ACSF2: variants seen among roughly 807,000 people sequenced by gnomAD.
ACSF2 encodes the protein medium-chain acyl-CoA ligase ACSF2, mitochondrial.
In ACSF2, 52 loss-of-function variants were observed where a neutral mutation model predicts 79.3. The observed-to-expected ratio is 0.66, with a 90% CI of 0.53 to 0.83. ACSF2 has a LOEUF of 0.83. Ranked by LOEUF, ACSF2 falls within the 40% of genes least tolerant of loss-of-function variation. ACSF2 has a pLI of 0.00. For synonymous variants in ACSF2, 283 were observed against 312.6 expected, an observed-to-expected ratio of 0.91 and a Z score of 1.00; for missense variants, 661 against 803.3, an observed-to-expected ratio of 0.82 and a Z score of 2.14.
intron 1 of ACSF2, among the ~76,000 whole-genome samples, chr17:50,431,520 A>T (rs2029923442): frequency 6.6e-6 from 1 of 152,170 alleles, no homozygotes; most frequent in Admixed American, 6.5e-5. Context: ...ACTTCCGTGA[A>T]ATCTCACTTG....
chr17:50,461,351 C>T lies in ACSF2; in HGVS notation c.434C>T (p.Ala145Val), dbSNP rs150150582. 8.4e-5 allele frequency: 135 copies of T among 1,613,946 alleles called. No homozygotes were observed. Among genetic ancestry groups the T allele is most frequent in the Non-Finnish European group, 1.1e-4 (134 of 1,180,000 alleles). The change falls in exon 3 of 16, where the codon GCC (alanine) becomes GTC (valine). Residue 145 changes from alanine (A) to valine (V), a missense_variant. Transcript: ENST00000300441. ...YAWVLMQLAT[A>V]QAGIILVSVN... ...TGGGTGCTCATGCAGTTGGCCACCG[C>T]CCAGGCGGGCATCATTCTGGTGAGG... is the stretch of plus-strand genomic sequence containing the variant.
intron 1 of ACSF2, among the ~76,000 whole-genome samples, chr17:50,447,413 G>A (rs2031371898): frequency 6.6e-6 from 1 of 151,878 alleles, no homozygotes; most frequent in South Asian, 2.1e-4. Flanking sequence ...GGTGGTGCGC[G>A]CTTAGAGTCC....
At chr17:50,443,971 C>G (rs1323346224) in intron 1 of ACSF2, among the ~76,000 whole-genome samples, 1 of 152,154 alleles carries the variant, frequency 6.6e-6, no homozygotes, top group Non-Finnish European at 1.5e-5. Context: ...AGGATTAACT[C>G]TTATTTAGCT....
intron 10 of ACSF2, chr17:50,467,907 G>A (rs1192212269): frequency 4.7e-6 from 4 of 856,850 alleles, no homozygotes; most frequent in Non-Finnish European, 7.1e-6. Context: ...AGGTGGCAGA[G>A]CTGCTCACCT....
chr17:50,446,529 A>G (rs2031312395), intron 1 of ACSF2, among the ~76,000 whole-genome samples: 1 of 152,062 alleles, frequency 6.6e-6, no homozygotes. Context: ...AAGCCACCAC[A>G]CCCAGCCAGA....
intron 1 of ACSF2, among the ~76,000 whole-genome samples, chr17:50,441,733 A>G (rs1469003821): frequency 6.6e-6 from 1 of 152,242 alleles, no homozygotes; most frequent in East Asian, 1.9e-4. Flanking sequence ...GGACACAGCA[A>G]TAAACATCAG....
In ACSF2 at chr17:50,474,246, C is replaced by T. The variant is rs1368968907; in HGVS notation, c.1776C>T (p.Tyr592=). ...AGTACATCGTGTTTGTCACAAACTA[C>T]CCCCTCACCATTTCAGGAAAGGTGT... ...IPKYIVFVTN[Y]PLTISGKIQK... is the part of the protein sequence containing the mutation. The change falls in exon 15 of 16, where the codon TAC becomes TAT. Residue 592 remains tyrosine, a synonymous_variant. Transcript: ENST00000300441. This position sits in a 1 kb window ranked among gnomAD's most constrained non-coding sequence, Gnocchi z 4.2. The T allele has an allele frequency of 6.2e-7, 1 of 1,614,122 alleles. No homozygotes were observed. Among genetic ancestry groups the T allele is most frequent in the South Asian group, 1.1e-5 (1 of 91,092 alleles).
chr17:50,451,450 T>C (rs921067527), intron 1 of ACSF2, among the ~76,000 whole-genome samples: 1 of 152,210 alleles, frequency 6.6e-6, no homozygotes, highest in African/African-American at 2.4e-5. Flanking sequence ...TTTTGTTTTT[T>C]TATTTTTTAT....
chr17:50,464,775 G>T lies in ACSF2; in HGVS notation c.1215+481G>T, dbSNP rs559060672. On this transcript the variant is annotated intron_variant, in intron 10 of 15. Coordinates refer to ENST00000300441, the MANE Select transcript of ACSF2 (RefSeq NM_025149.6). ...GTTGTGGTTCTGATTGACTTGGGGG[G>T]GGGGTCTCAGCAACAGCTTCTCCAA... The T allele has an allele frequency of 1.4e-4, 45 of 332,214 alleles. 4 individuals are homozygous for T. The highest frequency in any genetic ancestry group is 1.1e-3 in the Middle Eastern group (1 of 896). The allele number at this position is 332,214 out of a possible 1,614,324, so 20.6% of individuals were successfully genotyped here. A position where few individuals can be genotyped will look rare whatever the true frequency, so the allele number is the denominator to read the frequency against.
Position 50,448,187 on chromosome 17 carries a change from G to A in ACSF2, c.129-12490G>A, listed in dbSNP as rs75425244. On this transcript the variant is annotated intron_variant, in intron 1 of 15. Coordinates refer to ENST00000300441, the MANE Select transcript of ACSF2 (RefSeq NM_025149.6). ...TGCTCCCAGGCTGCAAAGCTGTACA[G>A]CATGTTACTGTCCTAAAGACTGTAG... 5.6e-3 allele frequency among the ~76,000 whole-genome samples: 852 copies of A among 152,360 alleles called. 9 individuals carry two copies. The highest frequency in any genetic ancestry group is 0.018 in the African/African-American group (765 of 41,580).
chr17:50,464,315 G>A (rs771260005), intron 10 of ACSF2, 21 bp downstream of exon 10: 108 of 1,613,034 alleles, frequency 6.7e-5, no homozygotes, highest in Non-Finnish European at 7.9e-5. Flanking sequence ...ACTGCGGCCC[G>A]GGCTGTGGGC....
chr17:50,466,020 ATC>A, intron 10 of ACSF2: 1 of 693,270 alleles, frequency 1.4e-6, no homozygotes, highest in Non-Finnish European at 2.4e-6. Flanking sequence ...TGACCAAGTG[ATC>A]TCAGATAATC....
At chr17:50,445,204 C>T (rs1014645134) in intron 1 of ACSF2, among the ~76,000 whole-genome samples, 5 of 152,176 alleles carry the variant, frequency 3.3e-5, no homozygotes, top group Admixed American at 6.5e-5. Context: ...CATGAGCTAC[C>T]GTGCCTGACT....
chr17:50,436,484 G>A (rs1350071386), intron 1 of ACSF2, among the ~76,000 whole-genome samples: 2 of 151,788 alleles, frequency 1.3e-5, no homozygotes, highest in East Asian at 3.9e-4. Context: ...CCAGGCTGGA[G>A]TGCAATGGTG....
Position 50,473,968 on chromosome 17 carries a change from C to T in ACSF2, c.1692C>T (p.Thr564=), listed in dbSNP as rs760400864. 1 of 1,535,746 alleles carries T rather than the reference C, an allele frequency of 6.5e-7. No individual in the cohort carries two copies. The highest frequency in any genetic ancestry group is 2.3e-5 in the East Asian group (1 of 42,736). The change falls in exon 14 of 16, where the codon ACC becomes ACT. Residue 564 remains threonine, a synonymous_variant. Transcript: ENST00000300441. ...ACIRLKDGEE[T]TVEEIKAFCK... ...TTCGGCTGAAGGACGGGGAGGAGAC[C>T]ACGGTGGAGGAGATAAAAGCTTTCT...
chr17:50,440,751 G>A (rs573596112), intron 1 of ACSF2, among the ~76,000 whole-genome samples: 2 of 152,382 alleles, frequency 1.3e-5, no homozygotes, highest in African/African-American at 4.8e-5. Flanking sequence ...GGCTGGGCAG[G>A]GCTAATGCTG....
At chr17:50,432,264 G>A (rs1056053738) in intron 1 of ACSF2, among the ~76,000 whole-genome samples, 1 of 152,196 alleles carries the variant, frequency 6.6e-6, no homozygotes, top group African/African-American at 2.4e-5. Context: ...ATAAGAAAAT[G>A]CTTAACACAC....
chr17:50,441,848 T>G (rs2030941992), intron 1 of ACSF2, among the ~76,000 whole-genome samples: 1 of 152,006 alleles, frequency 6.6e-6, no homozygotes, highest in African/African-American at 2.4e-5. Context: ...TTATTTTTAT[T>G]TATTTATTTT....
chr17:50,445,440 C>G (rs1291336040), intron 1 of ACSF2, among the ~76,000 whole-genome samples: 1 of 152,184 alleles, frequency 6.6e-6, no homozygotes, highest in Admixed American at 6.5e-5. Context: ...TCTCTGCCTT[C>G]CTCTCTGAGA....
Sources: allele counts gnomAD v4.1 joint callset (sites outside exome capture counted in the v4.1 genomes callset), GRCh38; gene constraint gnomAD v4.1.1; non-coding constraint Gnocchi (gnomAD v3.1); transcripts MANE v1.5; gene names NCBI Gene and HGNC (gene_info 2026-07-23, HGNC 2026-07-21).